Variants in NR2C1 observed in about 807,000 individuals in gnomAD.
NR2C1 encodes TR2 nuclear hormone receptor.
Under a neutral mutation model 74.8 loss-of-function variants are expected in NR2C1, and 33 were observed. The ratio of observed to expected loss-of-function variants is 0.44; its 90% CI spans 0.33 to 0.59. The LOEUF is 0.59. Among genes scored for constraint, NR2C1 ranks in the 20% least tolerant of loss-of-function variants. The pLI, the probability that NR2C1 is intolerant of heterozygous loss-of-function variation, is 0.02. For synonymous variants in NR2C1, 225 were observed against 240.6 expected (o/e 0.94, Z 0.60); for missense variants, 568 against 715.6 (o/e 0.79, Z 2.35).
intron 1 of NR2C1, among the ~76,000 whole-genome samples, chr12:95,067,756 T>C (rs1474370493): frequency 6.6e-6 from 1 of 151,764 alleles, no homozygotes; most frequent in African/African-American, 2.4e-5. Context: ...ACAGATGGGG[T>C]CTCACTGTGT....
chr12:95,055,479 T>C (rs751096226), intron 7 of NR2C1, among the ~76,000 whole-genome samples: 6 of 152,196 alleles, frequency 3.9e-5, no homozygotes, highest in Non-Finnish European at 8.8e-5. Flanking sequence ...ATTACTCTTA[T>C]TTTACAGATG....
At chr12:95,023,013 T>C (rs556669877) in intron 13 of NR2C1, among the ~76,000 whole-genome samples, 9 of 152,046 alleles carry the variant, frequency 5.9e-5, no homozygotes, top group Middle Eastern at 3.4e-3. Flanking sequence ...AAGTTATACA[T>C]TTAAGAATGG....
In NR2C1 at chr12:95,067,411, G is replaced by A; in HGVS notation, c.-7-20C>T. On this transcript the variant is annotated intron_variant, in intron 1 of 13. Transcript: ENST00000333003. Reference sequence around the variant, plus strand: ...ATCTACCTGCCAAAAATAAAAAGATGTTTTATAATTAAACTCACAAAACAC... The same window carrying A: ...ATCTACCTGCCAAAAATAAAAAGATATTTTATAATTAAACTCACAAAACAC... 1 of 1,552,484 alleles carries A rather than the reference G, an allele frequency of 6.4e-7. No individual in the cohort carries two copies. The highest frequency in any genetic ancestry group is 8.9e-7 in the Non-Finnish European group (1 of 1,124,878).
chr12:95,038,272 AT>A (rs1871109430), intron 10 of NR2C1, among the ~76,000 whole-genome samples: 1 of 152,218 alleles, frequency 6.6e-6, no homozygotes, highest in South Asian at 2.1e-4. Flanking sequence ...ATTATACTCA[AT>A]TTAATAGAAG....
In NR2C1 at chr12:95,053,930, G is replaced by A. The variant is rs188174153; in HGVS notation, c.784-1987C>T. On this transcript the variant is annotated intron_variant, in intron 7 of 13. Transcript: ENST00000333003. ...GATCTCCTGACCTCGTGATCTGCCC[G>A]CCTTGGCCTCCCAAAGTGCTGGGAT... 1.5e-3 allele frequency among the ~76,000 whole-genome samples: 234 copies of A among 152,170 alleles called. 1 individual carries two copies. Among genetic ancestry groups the A allele is most frequent in the African/African-American group, 5.2e-3 (215 of 41,506 alleles).
chr12:95,034,910 A>T (rs950780522), intron 10 of NR2C1, among the ~76,000 whole-genome samples: 5 of 152,292 alleles, frequency 3.3e-5, no homozygotes, highest in African/African-American at 7.2e-5. Flanking sequence ...TTACATAGCC[A>T]TCATTAAATG....
rs1459265081 is a variant in NR2C1, at chr12:95,028,525, C to T, written c.1394-1G>A. On this transcript the variant is annotated splice_acceptor_variant, in intron 11 of 13. Coordinates refer to ENST00000333003, the MANE Select transcript of NR2C1 (RefSeq NM_003297.4). LOFTEE classifies it high-confidence loss of function. ...TTTCTTCTTTCTGTTGACATTTTAT[C>T]TTTAATTAAAAATAAACAAATGCTT... The T allele has an allele frequency of 2.0e-6, 3 of 1,505,218 alleles. No individual in the cohort carries two copies. Among genetic ancestry groups the T allele is most frequent in the Admixed American group, 3.6e-5 (2 of 56,140 alleles). The allele number at this position is 1,505,218 out of a possible 1,614,324, so 93.2% of individuals were successfully genotyped here.
intron 12 of NR2C1, among the ~76,000 whole-genome samples, chr12:95,025,753 TTTAAAA>T (rs1869288180): frequency 6.6e-6 from 1 of 150,558 alleles, no homozygotes; most frequent in African/African-American, 2.5e-5. Context: ...ATTTTACATA[TTTAAAA>T]TTATTTTTTA....
chr12:95,030,960 C>CA (rs1870022278), intron 11 of NR2C1: 1 of 1,033,216 alleles, frequency 9.7e-7, no homozygotes, highest in Admixed American at 2.1e-5. Context: ...TGAATTGATA[C>CA]AAAATCAACC....
In NR2C1 at chr12:95,059,911, G is replaced by T. The variant is rs1592782381; in HGVS notation, c.359C>A (p.Ala120Glu). 6.4e-7 allele frequency: 1 copy of T among 1,569,466 alleles called. No homozygotes were observed. Reference protein sequence around the residue: ...FDLCVVCGDKASGRHYGAVTC... With the variant: ...FDLCVVCGDKESGRHYGAVTC... ...GAGGTTATTCTTAATGTTACCTGATGCTTTGTCTCCACATACTACGCAAAG... is the reference window on the plus strand; with the variant it reads ...GAGGTTATTCTTAATGTTACCTGATTCTTTGTCTCCACATACTACGCAAAG... The change falls in exon 4 of 14, where the codon GCA becomes GAA. Residue 120 changes from alanine (A) to glutamate (E), a missense_variant. By Grantham distance (107) the Ala-to-Glu change is moderately radical. Around this residue, in one of 6 missense-constraint regions of NR2C1, gnomAD observed 44 missense variants for 95.6 expected, o/e 0.46. Coordinates refer to ENST00000333003, the MANE Select transcript of NR2C1 (RefSeq NM_003297.4).
intron 12 of NR2C1, among the ~76,000 whole-genome samples, chr12:95,026,440 A>C (rs2136092352): frequency 6.6e-6 from 1 of 152,294 alleles, no homozygotes; most frequent in East Asian, 1.9e-4. Context: ...AACTTCATAA[A>C]AATTATGCAT....
At chr12:95,058,191 T>A (rs1874204511) in intron 5 of NR2C1, 119 bp downstream of exon 5, 2 of 914,820 alleles carry the variant, frequency 2.2e-6, no homozygotes, top group Admixed American at 6.3e-5. Context: ...TCTTATATTT[T>A]TAGTTGGAAA....
At chr12:95,053,822 TACA>T (rs1873419898) in intron 7 of NR2C1, among the ~76,000 whole-genome samples, 1 of 151,822 alleles carries the variant, frequency 6.6e-6, no homozygotes, top group East Asian at 1.9e-4. Context: ...GAGCTGGGAC[TACA>T]GGCGCCCGCC....
intron 9 of NR2C1, among the ~76,000 whole-genome samples, chr12:95,043,447 G>C (rs1565849782): frequency 6.6e-6 from 1 of 152,108 alleles, no homozygotes; most frequent in Non-Finnish European, 1.5e-5. Context: ...CCAGCACTCT[G>C]GGAGGCCAGG....
intron 11 of NR2C1, chr12:95,030,795 G>C: frequency 6.2e-7 from 1 of 1,613,220 alleles, no homozygotes; most frequent in Non-Finnish European, 8.5e-7. Flanking sequence ...GTAGTCATAA[G>C]CCATTCTATA....
Position 95,025,177 on chromosome 12 carries a change from G to A in NR2C1, c.1610C>T (p.Thr537Ile). The change falls in exon 13 of 14, where the codon ACC (threonine) becomes ATC (isoleucine). Residue 537 changes from threonine to isoleucine, a missense_variant. Transcript: ENST00000333003. ...GTAGGTGTCATCTGGATATGTTTTGGTTATATAATCTTGGAATTCCACATA... is the reference window on the plus strand; with the variant it reads ...GTAGGTGTCATCTGGATATGTTTTGATTATATAATCTTGGAATTCCACATA... ...KAYVEFQDYI[T>I]KTYPDDTYRL... 6 of 1,588,304 alleles carry A rather than the reference G, an allele frequency of 3.8e-6. No individual in the cohort carries two copies. Among genetic ancestry groups the A allele is most frequent in the Non-Finnish European group, 5.2e-6 (6 of 1,158,558 alleles).
At chr12:95,062,905 T>C (rs1875012107) in intron 2 of NR2C1, 167 bp from the exon 3 acceptor site, 2 of 615,940 alleles carry the variant, frequency 3.2e-6, no homozygotes, top group Admixed American at 2.9e-5. Context: ...AATAAACAAA[T>C]GTGCAAACAA....
At chr12:95,025,304 A>G in intron 12 of NR2C1, 49 bp from the exon 13 acceptor site, 1 of 936,660 alleles carries the variant, frequency 1.1e-6, no homozygotes, top group South Asian at 1.5e-5. Context: ...ATGTTCATTT[A>G]AGACAGAGTG....
At chr12:95,061,623 T>C (rs576850733) in intron 3 of NR2C1, among the ~76,000 whole-genome samples, 56 of 152,352 alleles carry the variant, frequency 3.7e-4, no homozygotes, top group Non-Finnish European at 1.2e-4. Flanking sequence ...GATATCAGGA[T>C]ATACAGACAA....
Sources: gnomAD v4.1 joint callset for allele counts (sites outside exome capture counted in the v4.1 genomes callset) on GRCh38, gnomAD v4.1.1 for gene constraint, gnomAD v4.1.1 regional missense constraint, MANE v1.5 for transcripts, NCBI Gene and HGNC (gene_info 2026-07-23, HGNC 2026-07-21) for gene names.